Variants in SGCZ observed in about 807,000 individuals in gnomAD.
SGCZ encodes zeta-sarcoglycan.
Under a neutral mutation model 41.3 loss-of-function variants are expected in SGCZ, and 40 were observed. The observed-to-expected ratio is 0.97, with a 90% confidence interval of 0.75 to 1.26. The LOEUF (loss-of-function observed/expected upper bound fraction) is 1.26, where lower values mean the gene tolerates loss of function less well. Among genes scored for constraint, SGCZ ranks in the 50% most tolerant of loss-of-function variants. The probability of loss-of-function intolerance (pLI) is 0.00; values close to 1 mark genes in which losing one functional copy is unlikely to be tolerated. For missense variants in SGCZ, 552 were observed against 369.8 expected (o/e 1.49, Z -4.04); for synonymous variants, 206 against 137.5 (o/e 1.50, Z -3.49).
In SGCZ at chr8:14,096,147, G is replaced by A. The variant is rs550898506; in HGVS notation, c.745-5510C>T. Among the ~76,000 whole-genome samples, 5 of 152,158 alleles carry A rather than the reference G, an allele frequency of 3.3e-5. No homozygotes were observed. The East Asian group carries it at 9.7e-4, about 30-fold the overall frequency. On this transcript the variant is annotated intron_variant, in intron 7 of 7. Coordinates refer to ENST00000382080, the MANE Select transcript of SGCZ (RefSeq NM_139167.4). ...CAGATCTTCCAATACTATGTTGAATGGGGTGGGAAGAGAGGGCATCCTTGT... is the reference window on the plus strand; with the variant it reads ...CAGATCTTCCAATACTATGTTGAATAGGGTGGGAAGAGAGGGCATCCTTGT...
intron 1 of SGCZ, among the ~76,000 whole-genome samples, chr8:15,167,802 C>G (rs149111813): frequency 1.3e-5 from 2 of 152,284 alleles, no homozygotes; most frequent in East Asian, 3.9e-4. Context: ...CCTGCTTGTT[C>G]CTGTGAACCA....
intron 1 of SGCZ, among the ~76,000 whole-genome samples, chr8:14,882,009 A>T (rs1347228015): frequency 6.6e-6 from 1 of 152,206 alleles, no homozygotes; most frequent in Non-Finnish European, 1.5e-5. Flanking sequence ...AGACATCAAA[A>T]AGTTCATTGA....
intron 2 of SGCZ, among the ~76,000 whole-genome samples, chr8:14,527,328 G>A (rs1802982913): frequency 1.3e-5 from 2 of 152,102 alleles, no homozygotes; most frequent in African/African-American, 4.8e-5. Context: ...GATAGGTGGG[G>A]TCTTGTTCTG....
At chr8:14,336,611 G>A (rs1245200771) in intron 2 of SGCZ, among the ~76,000 whole-genome samples, 1 of 152,036 alleles carries the variant, frequency 6.6e-6, no homozygotes, top group East Asian at 1.9e-4. Flanking sequence ...GTTATGTTAT[G>A]ACTTTTTAAT....
intron 1 of SGCZ, among the ~76,000 whole-genome samples, chr8:14,657,760 T>A (rs939031930): frequency 6.6e-6 from 1 of 152,198 alleles, no homozygotes; most frequent in African/African-American, 2.4e-5. Flanking sequence ...CAAATGCAAA[T>A]ATTCAGACTA....
intron 1 of SGCZ, among the ~76,000 whole-genome samples, chr8:15,037,190 G>C (rs1279132650): frequency 1.3e-5 from 2 of 152,114 alleles, no homozygotes; most frequent in African/African-American, 4.8e-5. Context: ...CATGTCATAG[G>C]AGGGACCCAG....
intron 1 of SGCZ, among the ~76,000 whole-genome samples, chr8:14,677,019 A>G (rs1808299792): frequency 6.6e-6 from 1 of 152,144 alleles, no homozygotes; most frequent in African/African-American, 2.4e-5. Flanking sequence ...GGAAGAAATA[A>G]AACAATATTT....
chr8:14,692,289 G>A (rs1808825298), intron 1 of SGCZ, among the ~76,000 whole-genome samples: 1 of 152,002 alleles, frequency 6.6e-6, no homozygotes, highest in African/African-American at 2.4e-5. Flanking sequence ...AATGAGCCAA[G>A]AGAGAAGCAT....
chr8:14,784,913 A>AAAT (rs1408574493), intron 1 of SGCZ, among the ~76,000 whole-genome samples: 2,443 of 87,946 alleles, frequency 0.028, 108 homozygotes, highest in South Asian at 0.06. Flanking sequence ...AAAAAAAAAA[A>AAAT]ATATATATAT....
chr8:14,531,461 G>C (rs10098953), intron 2 of SGCZ, among the ~76,000 whole-genome samples: 67,363 of 151,644 alleles, frequency 0.44, 15,199 homozygotes, highest in Middle Eastern at 0.61. Context: ...AGCTACCAGA[G>C]TGAAGAAACC....
At chr8:14,152,536 T>C (rs1260224074) in intron 5 of SGCZ, among the ~76,000 whole-genome samples, 3 of 152,190 alleles carry the variant, frequency 2.0e-5, no homozygotes, top group African/African-American at 7.2e-5. Context: ...GCTGTTATCA[T>C]ATGACAACAC....
chr8:14,148,530 G>A lies in SGCZ; in HGVS notation c.547+16050C>T, dbSNP rs534281738. On this transcript the variant is annotated intron_variant, in intron 5 of 7. Transcript: ENST00000382080. ...GACCAATAAGAAGTACAAGATCAAA[G>A]GCATAATAAAAAAAAATCTACCAGT... is the stretch of plus-strand genomic sequence containing the variant. 5.1e-4 allele frequency among the ~76,000 whole-genome samples: 77 copies of A among 151,798 alleles called. 1 individual carries two copies. The highest frequency in any genetic ancestry group is 1.2e-3 in the African/African-American group (49 of 41,468).
intron 1 of SGCZ, among the ~76,000 whole-genome samples, chr8:14,735,177 T>C (rs1223339680): frequency 4.6e-5 from 7 of 152,164 alleles, no homozygotes; most frequent in Admixed American, 3.9e-4. Flanking sequence ...TTGACCCAAA[T>C]TATTTTGTGA....
chr8:14,618,699 G>C (rs1049687537), intron 1 of SGCZ, among the ~76,000 whole-genome samples: 6 of 152,140 alleles, frequency 3.9e-5, no homozygotes, highest in African/African-American at 1.2e-4. Context: ...GAATAAATAA[G>C]AGTCTGTTAA....
intron 1 of SGCZ, among the ~76,000 whole-genome samples, chr8:14,793,312 A>G (rs1229063824): frequency 6.6e-6 from 1 of 152,182 alleles, no homozygotes; most frequent in Non-Finnish European, 1.5e-5. Context: ...CCTGCCTTTT[A>G]TAATCCAATT....
At position 15,023,917 on chromosome 8, in the gene SGCZ, G is replaced by A. The variant is rs561366670; in HGVS notation, c.39+213668C>T. Among the ~76,000 whole-genome samples, 417 of 152,238 alleles carry A rather than the reference G, an allele frequency of 2.7e-3. 4 individuals carry two copies. Among genetic ancestry groups the A allele is most frequent in the Admixed American group, 2.6e-3 (39 of 15,292 alleles). ...TGGGATTAAGAAAAGTTTCCCAGTCGGCTTTAATGACGTCATTTGCAACAG... is the reference window on the plus strand; with the variant it reads ...TGGGATTAAGAAAAGTTTCCCAGTCAGCTTTAATGACGTCATTTGCAACAG... On this transcript the variant is annotated intron_variant, in intron 1 of 7. Transcript: ENST00000382080.
At chr8:14,232,401 A>G (rs959378418) in intron 4 of SGCZ, among the ~76,000 whole-genome samples, 2 of 152,008 alleles carry the variant, frequency 1.3e-5, no homozygotes, top group Non-Finnish European at 2.9e-5. Context: ...GTAAAATATG[A>G]AAAAGGAAAC....
intron 1 of SGCZ, among the ~76,000 whole-genome samples, chr8:14,591,222 A>C (rs1805229546): frequency 6.6e-6 from 1 of 151,882 alleles, no homozygotes; most frequent in African/African-American, 2.4e-5. Context: ...TATAAATTTG[A>C]TCCTTCTTTT....
intron 1 of SGCZ, among the ~76,000 whole-genome samples, chr8:14,629,499 ATTCTGT>A (rs1332146669): frequency 6.6e-6 from 1 of 152,064 alleles, no homozygotes; most frequent in Non-Finnish European, 1.5e-5. Context: ...AGTGGTCTAG[ATTCTGT>A]GAGGGATATA....
Sources: gnomAD v4.1 joint callset for allele counts (sites outside exome capture counted in the v4.1 genomes callset) on GRCh38, gnomAD v4.1.1 for gene constraint, MANE v1.5 for transcripts, NCBI Gene and HGNC (gene_info 2026-07-23, HGNC 2026-07-21) for gene names.